DLGAP2: variants seen among roughly 807,000 people sequenced by gnomAD.
DLGAP2 encodes disks large-associated protein 2.
In DLGAP2, 26 loss-of-function variants were observed where a neutral mutation model predicts 100.3. That is an observed-to-expected ratio of 0.26 (90% confidence interval 0.19 to 0.36). The LOEUF is 0.36. Ranked by LOEUF, DLGAP2 falls within the 10% of genes least tolerant of loss-of-function variation. The pLI is 1.00. For missense variants in DLGAP2, 1,858 were observed against 1,453.2 expected, an observed-to-expected ratio of 1.28 and a Z score of -4.53; for synonymous variants, 886 against 630.1, an observed-to-expected ratio of 1.41 and a Z score of -6.08.
chr8:1,331,725 G>A (rs1404347929), intron 3 of DLGAP2, among the ~76,000 whole-genome samples: 3 of 152,188 alleles, frequency 2.0e-5, no homozygotes, highest in Admixed American at 1.3e-4. Flanking sequence ...TCCTTCCGAC[G>A]TTTAAAACGT....
intron 2 of DLGAP2, among the ~76,000 whole-genome samples, chr8:910,216 T>C (rs1332780065): frequency 1.3e-5 from 2 of 152,242 alleles, no homozygotes; most frequent in Admixed American, 1.3e-4. Flanking sequence ...GAAGATTAAC[T>C]TTGGGATGAA....
intron 2 of DLGAP2, among the ~76,000 whole-genome samples, chr8:970,754 G>A (rs1271278764): frequency 6.6e-6 from 1 of 152,076 alleles, no homozygotes; most frequent in Non-Finnish European, 1.5e-5. Context: ...AACTAAATGG[G>A]TGATAGAGAC....
intron 3 of DLGAP2, among the ~76,000 whole-genome samples, chr8:1,363,783 G>A (rs545816921): frequency 3.9e-5 from 6 of 152,310 alleles, no homozygotes; most frequent in East Asian, 3.9e-4. Flanking sequence ...AACCACGGGC[G>A]ACTGAGCCAG....
intron 2 of DLGAP2, among the ~76,000 whole-genome samples, chr8:1,042,194 G>A (rs367789198): frequency 3.3e-5 from 5 of 152,142 alleles, no homozygotes; most frequent in African/African-American, 7.2e-5. Context: ...TGCCTTGTCC[G>A]GCTTTCCCAG....
At chr8:1,364,355 C>T (rs775011685) in intron 3 of DLGAP2, among the ~76,000 whole-genome samples, 5 of 152,138 alleles carry the variant, frequency 3.3e-5, no homozygotes, top group South Asian at 2.1e-4. Context: ...TTCTCGTGAT[C>T]GTCAAGGGCT....
chr8:1,592,169 A>G (rs1473286924), intron 6 of DLGAP2, among the ~76,000 whole-genome samples: 1 of 152,194 alleles, frequency 6.6e-6, no homozygotes, highest in Non-Finnish European at 1.5e-5. Flanking sequence ...TAACGGGGCC[A>G]TCTCCTGGCC....
intron 2 of DLGAP2, among the ~76,000 whole-genome samples, chr8:1,071,731 T>C (rs1803436212): frequency 6.6e-6 from 1 of 152,224 alleles, no homozygotes; most frequent in African/African-American, 2.4e-5. Flanking sequence ...GTGTGCAATT[T>C]TGATTTATTT....
chr8:1,272,311 T>C (rs1799599544), intron 3 of DLGAP2, among the ~76,000 whole-genome samples: 1 of 152,014 alleles, frequency 6.6e-6, no homozygotes, highest in African/African-American at 2.4e-5. Flanking sequence ...GCATAGCGGG[T>C]CCAGAGTGTG....
chr8:1,117,813 C>T (rs1210096894), intron 2 of DLGAP2, among the ~76,000 whole-genome samples: 1 of 152,156 alleles, frequency 6.6e-6, no homozygotes, highest in African/African-American at 2.4e-5. Flanking sequence ...CTCACTTGGG[C>T]TCAGAGCCTC....
intron 12 of DLGAP2, among the ~76,000 whole-genome samples, chr8:1,689,362 C>G (rs1290152476): frequency 6.6e-6 from 1 of 152,324 alleles, no homozygotes; most frequent in Non-Finnish European, 1.5e-5. Context: ...TGTGTCTAGG[C>G]AAAACCTCCA....
At chr8:998,136 CAT>C (rs1198733630) in intron 2 of DLGAP2, among the ~76,000 whole-genome samples, 3 of 152,170 alleles carry the variant, frequency 2.0e-5, no homozygotes, top group Admixed American at 6.5e-5. Flanking sequence ...CATGCATACA[CAT>C]GTGCATACAC....
chr8:1,430,811 G>A (rs577188905), intron 3 of DLGAP2, among the ~76,000 whole-genome samples: 1 of 152,178 alleles, frequency 6.6e-6, no homozygotes, highest in African/African-American at 2.4e-5. Context: ...TTTAAAGGAC[G>A]ACCCTGACAC....
chr8:1,079,777 A>G (rs893382537), intron 2 of DLGAP2, among the ~76,000 whole-genome samples: 1 of 152,248 alleles, frequency 6.6e-6, no homozygotes, highest in African/African-American at 2.4e-5. Context: ...TGTCTGCAAG[A>G]TGAGCCCAGA....
intron 6 of DLGAP2, among the ~76,000 whole-genome samples, chr8:1,617,544 C>T (rs1368563596): frequency 6.6e-6 from 1 of 152,190 alleles, no homozygotes; most frequent in Non-Finnish European, 1.5e-5. Flanking sequence ...AGTGTCTGTT[C>T]ATGTTCTTTG....
intron 3 of DLGAP2, among the ~76,000 whole-genome samples, chr8:1,358,472 A>C (rs1196531050): frequency 6.6e-6 from 1 of 152,250 alleles, no homozygotes; most frequent in East Asian, 1.9e-4. Context: ...CACAGACGTA[A>C]CCATGTGAGG....
Position 950,652 on chromosome 8 carries a change from C to T in DLGAP2, c.73+42686C>T, listed in dbSNP as rs1319118119. On this transcript the variant is annotated intron_variant, in intron 2 of 14. Coordinates refer to ENST00000637795, the MANE Select transcript of DLGAP2 (RefSeq NM_001346810.2). ...TTTTTTTTTTTTTGAGATGGAGTCT[C>T]GCTCTGTCACCCAGGCTGGAGTGTA... Among the ~76,000 whole-genome samples the T allele has an allele frequency of 2.9e-5, 4 of 138,286 alleles. No homozygotes were observed. The South Asian group carries it at 6.9e-4, about 24-fold the overall frequency. The allele number at this position is 138,286 out of a possible 152,430, so 90.7% of individuals were successfully genotyped here.
chr8:810,108 A>G lies in DLGAP2; in HGVS notation c.18+72283A>G, dbSNP rs1796345036. Reference sequence around the variant, plus strand: ...CATCCCTTTCTAACTACTGTTCATGACTTGTAGGTCTTCAAGTGCCATCTC... The same window carrying G: ...CATCCCTTTCTAACTACTGTTCATGGCTTGTAGGTCTTCAAGTGCCATCTC... On this transcript the variant is annotated intron_variant, in intron 1 of 14. Transcript: ENST00000637795. 2.6e-5 allele frequency among the ~76,000 whole-genome samples: 4 copies of G among 152,218 alleles called. No individual in the cohort carries two copies. In the South Asian group the frequency reaches 8.3e-4, roughly 32 times the overall value.
chr8:1,482,358 C>T (rs1465802830), intron 3 of DLGAP2, among the ~76,000 whole-genome samples: 2 of 152,252 alleles, frequency 1.3e-5, no homozygotes, highest in South Asian at 2.1e-4. Context: ...AATCTCCACC[C>T]TCTGTCTGTT....
chr8:1,048,659 T>G (rs1802586616), intron 2 of DLGAP2, among the ~76,000 whole-genome samples: 1 of 151,860 alleles, frequency 6.6e-6, no homozygotes, highest in Non-Finnish European at 1.5e-5. Flanking sequence ...TGCCTTGATG[T>G]GGGTGCTGTG....
Sources: allele counts gnomAD v4.1 joint callset (sites outside exome capture counted in the v4.1 genomes callset), GRCh38; gene constraint gnomAD v4.1.1; transcripts MANE v1.5; gene names NCBI Gene and HGNC (gene_info 2026-07-23, HGNC 2026-07-21).